Variants in RAP1GAP2 observed in about 807,000 individuals in gnomAD.
RAP1GAP2 encodes the protein RAP1 GTPase activating protein 2, also known as rap1 GTPase-activating protein 2.
In RAP1GAP2, 27 loss-of-function variants were observed where a neutral mutation model predicts 95.0. That is an observed-to-expected ratio of 0.28 (90% CI 0.21 to 0.39). RAP1GAP2 has a LOEUF of 0.39. Among genes scored for constraint, RAP1GAP2 ranks in the 10% least tolerant of loss-of-function variants. The pLI is 1.00. For synonymous variants in RAP1GAP2, 373 were observed against 380.9 expected (o/e 0.98, Z 0.24); for missense variants, 771 against 970.0 (o/e 0.79, Z 2.72).
chr17:2,830,934 ACTCCCCTTCCCTCCCTTCCCCTCCC>A (rs1427238163), intron 2 of RAP1GAP2, among the ~76,000 whole-genome samples: 1 of 79,566 alleles, frequency 1.3e-5, no homozygotes, highest in Non-Finnish European at 2.6e-5. Context: ...TCTTACCTCC[ACTCCCCTTCCCTCCCTTCCCCTCCC>A]CTCCCCTTCC....
chr17:2,925,792 C>A (rs376173041), intron 3 of RAP1GAP2, among the ~76,000 whole-genome samples: 2 of 152,206 alleles, frequency 1.3e-5, no homozygotes, highest in African/African-American at 4.8e-5. Flanking sequence ...AGCAGGAAGG[C>A]AGGTCTGCAA....
intron 2 of RAP1GAP2, among the ~76,000 whole-genome samples, chr17:2,879,276 T>C (rs1342379020): frequency 6.6e-6 from 1 of 152,014 alleles, no homozygotes; most frequent in Non-Finnish European, 1.5e-5. Context: ...CCACCATAAC[T>C]GGCTAATTTT....
intron 8 of RAP1GAP2, among the ~76,000 whole-genome samples, chr17:2,970,457 T>A (rs1266146947): frequency 6.6e-6 from 1 of 152,268 alleles, no homozygotes; most frequent in East Asian, 1.9e-4. Context: ...TTTTGATAGA[T>A]AACGTTAAAT....
At chr17:2,948,992 G>A (rs750697445) in intron 3 of RAP1GAP2, among the ~76,000 whole-genome samples, 1 of 152,168 alleles carries the variant, frequency 6.6e-6, no homozygotes, top group Non-Finnish European at 1.5e-5. Context: ...TCTTGTTCAC[G>A]TCTGCCCCTG....
intron 1 of RAP1GAP2, chr17:2,755,877 T>A (rs2151751050): frequency 3.2e-6 from 1 of 311,048 alleles, no homozygotes; most frequent in South Asian, 1.5e-4. Flanking sequence ...GGGCTGAGGC[T>A]GCGGGGCCCG....
intron 11 of RAP1GAP2, among the ~76,000 whole-genome samples, chr17:2,990,342 G>A (rs2045708661): frequency 1.3e-5 from 2 of 152,176 alleles, no homozygotes; most frequent in Admixed American, 1.3e-4. Flanking sequence ...TGGTGACTCT[G>A]TTTAGCCTTT....
intron 17 of RAP1GAP2, among the ~76,000 whole-genome samples, chr17:3,015,579 G>A (rs1304533242): frequency 3.9e-5 from 6 of 152,170 alleles, no homozygotes. Context: ...AGCACTTTGG[G>A]AGGCTGAGGC....
upstream of RAP1GAP2, among the ~76,000 whole-genome samples, chr17:2,795,535 C>G (rs550243787): frequency 3.9e-5 from 6 of 152,230 alleles, no homozygotes; most frequent in African/African-American, 1.4e-4. Context: ...CCCCCCACCC[C>G]ACACAGCCAG....
At chr17:2,921,838 G>A (rs1329897511) in intron 3 of RAP1GAP2, among the ~76,000 whole-genome samples, 2 of 152,170 alleles carry the variant, frequency 1.3e-5, no homozygotes, top group Non-Finnish European at 2.9e-5. Flanking sequence ...GGTGGCTCCA[G>A]GCCGGGGACT....
intron 2 of RAP1GAP2, among the ~76,000 whole-genome samples, chr17:2,848,593 C>G (rs2071688435): frequency 2.0e-5 from 3 of 151,838 alleles, no homozygotes; most frequent in Admixed American, 1.3e-4. Context: ...CAGCTCACTA[C>G]AACCTCCGCC....
rs190101094 is a variant in RAP1GAP2 at position 2,814,430 on chromosome 17, C to T, written c.80+13880C>T. On this transcript the variant is annotated intron_variant, in intron 2 of 24. Transcript: ENST00000254695. ...GTCAGCATCAGGGTCACAACCTGCC[C>T]GTCCTTCCAGGGCCAGCTTCCATGC... Among the ~76,000 whole-genome samples the T allele has an allele frequency of 5.0e-4, 76 of 152,276 alleles. 1 individual carries two copies. The East Asian group carries it at 0.012, about 24-fold the overall frequency.
At chr17:2,899,065 T>C (rs1476806860) in intron 2 of RAP1GAP2, among the ~76,000 whole-genome samples, 2 of 151,512 alleles carry the variant, frequency 1.3e-5, no homozygotes, top group Non-Finnish European at 3.0e-5. Context: ...TCACACAGCA[T>C]GTGGCCTTTT....
chr17:2,868,857 T>A (rs572652099), intron 2 of RAP1GAP2, among the ~76,000 whole-genome samples: 1 of 152,196 alleles, frequency 6.6e-6, no homozygotes, highest in South Asian at 2.1e-4. Flanking sequence ...TCTGTGTCTG[T>A]TTGAGCTGCT....
rs1349051446 is a variant in RAP1GAP2, at chr17:3,036,693, C to G, written c.*3332C>G. On this transcript the variant is annotated 3_prime_UTR_variant, in exon 25 of 25. Coordinates refer to ENST00000254695, the MANE Select transcript of RAP1GAP2 (RefSeq NM_015085.5). ...AGGGAAAAAGATGCTGTTCACCCAC[C>G]CTCAGCTTCCCTTTTCCTAAATTAA... is the stretch of plus-strand genomic sequence containing the variant. The G allele has an allele frequency of 6.6e-6, 1 of 152,360 alleles. No homozygotes were observed. The highest frequency in any genetic ancestry group is 1.5e-5 in the Non-Finnish European group (1 of 68,050). 9.4% of individuals were successfully genotyped at this position (152,360 alleles called of 1,614,324 possible). A position where few individuals can be genotyped will look rare whatever the true frequency, so the allele number is the denominator to read the frequency against.
In RAP1GAP2 at chr17:3,008,281, C is replaced by T; in HGVS notation, c.1494+136C>T. The T allele has an allele frequency of 1.5e-6, 2 of 1,341,778 alleles. No homozygotes were observed. The highest frequency in any genetic ancestry group is 1.4e-5 in the South Asian group (1 of 71,854). The allele number at this position is 1,341,778 out of a possible 1,614,324, so 83.1% of individuals were successfully genotyped here. A position where few individuals can be genotyped will look rare whatever the true frequency, so the allele number is the denominator to read the frequency against. On this transcript the variant is annotated intron_variant, in intron 17 of 24. Coordinates refer to ENST00000254695, the MANE Select transcript of RAP1GAP2 (RefSeq NM_015085.5). This position sits in a 1 kb window ranked among gnomAD's most constrained non-coding sequence, Gnocchi z 4.2. Reference sequence around the variant, plus strand: ...GGGTGACAGGAAACGTATGGGTATCCTAGGTGTTTGCAAAGGGCAGGGCCG... The same window carrying T: ...GGGTGACAGGAAACGTATGGGTATCTTAGGTGTTTGCAAAGGGCAGGGCCG...
At position 2,807,323 on chromosome 17, in the gene RAP1GAP2, C is replaced by A. The variant is rs541679421; in HGVS notation, c.80+6773C>A. On this transcript the variant is annotated intron_variant, in intron 2 of 24. Transcript: ENST00000254695. ...TACAAGAATTCTTGAGGCACCACTA[C>A]GATGTTCTAGAACCCTCTGGGGCCA... Among the ~76,000 whole-genome samples, 3 of 152,326 alleles carry A rather than the reference C, an allele frequency of 2.0e-5. No individual in the cohort carries two copies. In the South Asian group the frequency reaches 6.2e-4, roughly 32 times the overall value.
At chr17:3,009,245 G>T (rs1746242975) in intron 17 of RAP1GAP2, among the ~76,000 whole-genome samples, 1 of 152,194 alleles carries the variant, frequency 6.6e-6, no homozygotes, top group South Asian at 2.1e-4. Context: ...AGTCCAGATT[G>T]CCTGGAATAT....
Position 2,920,254 on chromosome 17 carries a change from TCTC to T in RAP1GAP2, c.165+14893_165+14895del, listed in dbSNP as rs943432698. On this transcript the variant is annotated intron_variant, in intron 3 of 24. Coordinates refer to ENST00000254695, the MANE Select transcript of RAP1GAP2 (RefSeq NM_015085.5). ...GTCCTTTCCCCTTTTCTCGTCGTGC[TCTC>T]CTCCTCTTTCTGCCTGTTGGTGAGG... is the stretch of plus-strand genomic sequence containing the variant. Among the ~76,000 whole-genome samples, 5 of 152,194 alleles carry T rather than the reference TCTC, an allele frequency of 3.3e-5. No individual in the cohort carries two copies. The South Asian group carries it at 8.3e-4, about 25-fold the overall frequency.
Position 2,797,782 on chromosome 17 carries a change from G to A in RAP1GAP2, c.44+1211G>A. 2 of 985,390 alleles carry A rather than the reference G, an allele frequency of 2.0e-6. No individual in the cohort carries two copies. Among genetic ancestry groups the A allele is most frequent in the African/African-American group, 3.5e-5 (2 of 57,366 alleles). The allele number at this position is 985,390 out of a possible 1,614,324, so 61.0% of individuals were successfully genotyped here. ...TGGATCTGGGAGCTGCCACCCCGAG[G>A]GTAGGTGCCAGTGTCCGGGAGGCAG... On this transcript the variant is annotated intron_variant, in intron 1 of 24. Transcript: ENST00000254695. This position sits in a 1 kb window ranked among gnomAD's most constrained non-coding sequence, Gnocchi z 5.6.
Sources: allele counts gnomAD v4.1 joint callset (sites outside exome capture counted in the v4.1 genomes callset), GRCh38; gene constraint gnomAD v4.1.1; non-coding constraint Gnocchi (gnomAD v3.1); transcripts MANE v1.5; gene names NCBI Gene and HGNC (gene_info 2026-07-23, HGNC 2026-07-21).